The following CEP131 variants were observed in gnomAD, a reference collection of about 807,000 sequenced individuals.
The protein encoded by CEP131 is centrosomal protein of 131 kDa.
A neutral mutation model predicts 136.8 loss-of-function variants in CEP131; 99 were observed. The observed-to-expected ratio is 0.72, with a 90% confidence interval of 0.62 to 0.86. The LOEUF (loss-of-function observed/expected upper bound fraction) is 0.86, where lower values mean the gene tolerates loss of function less well. Among genes scored for constraint, CEP131 ranks in the 40% least tolerant of loss-of-function variants. The pLI is 0.00. For synonymous variants in CEP131, 646 were observed against 612.7 expected, an observed-to-expected ratio of 1.05 and a Z score of -0.80; for missense variants, 1,459 against 1,463.0, an observed-to-expected ratio of 1.00 and a Z score of 0.04.
Position 81,219,958 on chromosome 17 carries a change from A to T in CEP131, c.99T>A (p.Pro33=), listed in dbSNP as rs747155678. The change falls in exon 2 of 26, where the codon CCT becomes CCA. Residue 33 remains proline, a synonymous_variant. Coordinates refer to ENST00000450824, the MANE Select transcript of CEP131 (RefSeq NM_014984.4). This position sits in a 1 kb window ranked among gnomAD's most constrained non-coding sequence, Gnocchi z 4.0. ...TGLPPPVSRR[P]GSAATTKPIV... ...TGGGCTTGGTGGTGGCGGCACTGCC[A>T]GGACGCCGGGACACAGGCGGAGGGA... 1.3e-5 allele frequency: 21 copies of T among 1,612,002 alleles called. No individual in the cohort carries two copies. The highest frequency in any genetic ancestry group is 6.7e-5 in the Admixed American group (4 of 59,754).
intron 24 of CEP131, 87 bp from the exon 25 acceptor site, chr17:81,190,062 C>CGCCTGGTCA (rs1567842900): frequency 1.6e-6 from 2 of 1,258,946 alleles, no homozygotes; most frequent in East Asian, 2.6e-5. Flanking sequence ...ACGGGGCAGC[C>CGCCTGGTCA]GCCTGGTCAG....
At chr17:81,206,947 C>T (rs1008645947) in intron 4 of CEP131, 76 bp from the exon 5 acceptor site, 72 of 1,559,684 alleles carry the variant, frequency 4.6e-5, no homozygotes, top group South Asian at 2.3e-4. Context: ...CTCCCACAAA[C>T]GGGAGGAGCC....
chr17:81,194,076 C>T lies in CEP131; in HGVS notation c.2171G>A (p.Arg724Gln), dbSNP rs753684850. The T allele has an allele frequency of 5.1e-6, 8 of 1,579,336 alleles. No homozygotes were observed. Among genetic ancestry groups the T allele is most frequent in the East Asian group, 2.3e-5 (1 of 43,070 alleles). The change falls in exon 18 of 26, where the codon CGG becomes CAG. Residue 724 changes from arginine (R) to glutamine (Q), a missense_variant. This residue lies in a region of CEP131 where 1,026 missense variants were observed against 964.2 expected (regional missense o/e 1.06). Coordinates refer to ENST00000450824, the MANE Select transcript of CEP131 (RefSeq NM_014984.4). Reference sequence around the variant, plus strand: ...CGCCTCGTGCAGGCTCTTGAGCCTCCGCACTTCCTGCTTGTGCCTTGCAAT... The same window carrying T: ...CGCCTCGTGCAGGCTCTTGAGCCTCTGCACTTCCTGCTTGTGCCTTGCAAT... ...KLIARHKQEV[R>Q]RLKSLHEAEL...
intron 21 of CEP131, 59 bp from the exon 22 acceptor site, chr17:81,191,394 C>T: frequency 6.3e-7 from 1 of 1,592,214 alleles, no homozygotes. Context: ...GGGGCCAGGG[C>T]CAGCCTCAGG....
At chr17:81,216,177 T>C (rs187374165) in intron 2 of CEP131, among the ~76,000 whole-genome samples, 274 of 152,090 alleles carry the variant, frequency 1.8e-3, no homozygotes, top group African/African-American at 6.1e-3. Flanking sequence ...CTGACCAACA[T>C]GGCGAAACCC....
rs1386254278 is a variant in CEP131 at position 81,193,988 on chromosome 17, C to T, written c.2259G>A (p.Arg753=). 1 of 1,551,932 alleles carries T rather than the reference C, an allele frequency of 6.4e-7. No individual in the cohort carries two copies. ...CCTCCTTCTCCCGCTCCAGCTGCTC[C>T]CGCAGCTCCTCGGCCTGGCGCAGGC... ...QRCLRQAEEL[R]EQLEREKEAL... Residue 753 remains arginine, a synonymous_variant, in exon 18 of 26, where the codon CGG becomes CGA. Coordinates refer to ENST00000450824, the MANE Select transcript of CEP131 (RefSeq NM_014984.4).
At position 81,203,794 on chromosome 17, in the gene CEP131, C is replaced by T; in HGVS notation, c.516-187G>A. ...CCTGCGCCCTGATGATGGGGTTCTT[C>T]CCAGGACAGGAAAGCTGGACCAGGG... On this transcript the variant is annotated intron_variant, in intron 5 of 25. Coordinates refer to ENST00000450824, the MANE Select transcript of CEP131 (RefSeq NM_014984.4). This position sits in a 1 kb window ranked among gnomAD's most constrained non-coding sequence, Gnocchi z 4.6. 5.2e-6 allele frequency: 3 copies of T among 579,446 alleles called. No homozygotes were observed. The highest frequency in any genetic ancestry group is 4.4e-4 in the Middle Eastern group (1 of 2,280). The allele number at this position is 579,446 out of a possible 1,614,324, so 35.9% of individuals were successfully genotyped here. A position where few individuals can be genotyped will look rare whatever the true frequency, so the allele number is the denominator to read the frequency against.
intron 8 of CEP131, 134 bp from the exon 9 acceptor site, chr17:81,199,969 C>T: frequency 1.1e-6 from 1 of 882,374 alleles, no homozygotes; most frequent in African/African-American, 1.6e-5. Flanking sequence ...GAAAGTGAAA[C>T]CCCACCAGGA....
At position 81,209,027 on chromosome 17, in the gene CEP131, A is replaced by C. The variant is rs555315156; in HGVS notation, c.178-5T>G. 1.2e-4 allele frequency: 184 copies of C among 1,598,802 alleles called. 4 individuals carry two copies. The South Asian group carries it at 2.0e-3, about 17-fold the overall frequency. ...GCCCCCAGGCCCTGTGGCCTCCTGC[A>C]AAAAGGGAGAAAACAGTTAATTATG... On this transcript the variant is annotated splice_region_variant and splice_polypyrimidine_tract_variant and intron_variant, in intron 2 of 25. Coordinates refer to ENST00000450824, the MANE Select transcript of CEP131 (RefSeq NM_014984.4).
intron 13 of CEP131, 32 bp from the exon 14 acceptor site, chr17:81,197,087 G>A (rs780400748): frequency 8.3e-6 from 13 of 1,567,002 alleles, no homozygotes; most frequent in South Asian, 1.2e-5. Flanking sequence ...AGGCGGAAGC[G>A]GCAGAGGACG....
rs1333829150 is a variant in CEP131, at chr17:81,197,853, C to A, written c.1506G>T (p.Leu502Phe). 6.2e-7 allele frequency: 1 copy of A among 1,613,086 alleles called. No homozygotes were observed. The highest frequency in any genetic ancestry group is 1.3e-5 in the African/African-American group (1 of 75,064). Reference protein sequence around the residue: ...DDASSLTADNLEKFGKLSAFP... With the variant: ...DDASSLTADNFEKFGKLSAFP... ...ACGCACTGAGTTTTCCAAATTTCTC[C>A]AAGTTGTCAGCTGTCAGAGAGCTGG... Residue 502 changes from leucine (L) to phenylalanine (F), a missense_variant, in exon 13 of 26, where the codon TTG becomes TTT. Physicochemically the swap from Leu to Phe is conservative, Grantham distance 22. Transcript: ENST00000450824.
chr17:81,195,014 C>A (rs755342037), intron 16 of CEP131, 42 bp from the exon 17 acceptor site: 1 of 1,510,074 alleles, frequency 6.6e-7, no homozygotes, highest in Non-Finnish European at 9.1e-7. Flanking sequence ...ACGAAGGACA[C>A]CCCCGTCCCT....
rs746928447 is a variant in CEP131, at chr17:81,192,852, C to T, written c.2322-9G>A. ...CCAGGTGCTGCTGGAACCTGCGGGA[C>T]GGTCAGGACTGGCTCTCGGGGGCCG... On this transcript the variant is annotated splice_polypyrimidine_tract_variant and intron_variant, in intron 18 of 25. Transcript: ENST00000450824. 36 of 1,595,738 alleles carry T rather than the reference C, an allele frequency of 2.3e-5. No individual in the cohort carries two copies. The highest frequency in any genetic ancestry group is 5.3e-5 in the African/African-American group (4 of 74,812).
chr17:81,204,873 T>A (rs150347449), intron 5 of CEP131, among the ~76,000 whole-genome samples: 173 of 151,718 alleles, frequency 1.1e-3, no homozygotes, highest in Middle Eastern at 0.01. Flanking sequence ...GCGCGGCTCA[T>A]CTGCCAATTT....
chr17:81,218,986 C>T (rs1003300813), intron 2 of CEP131, among the ~76,000 whole-genome samples: 5 of 152,254 alleles, frequency 3.3e-5, no homozygotes, highest in Non-Finnish European at 5.9e-5. Flanking sequence ...CCTTGCTATT[C>T]GGAAGCTCAG....
In CEP131 at chr17:81,198,103, C is replaced by T; in HGVS notation, c.1470+12G>A. ...GGACAGACTGTGCAGGGCGGGCGCACACCGTGGTCACCTCGCTGGCCCAGG... is the reference window on the plus strand; with the variant it reads ...GGACAGACTGTGCAGGGCGGGCGCATACCGTGGTCACCTCGCTGGCCCAGG... On this transcript the variant is annotated intron_variant, in intron 12 of 25. Transcript: ENST00000450824. 4 of 1,550,404 alleles carry T rather than the reference C, an allele frequency of 2.6e-6. No homozygotes were observed. Among genetic ancestry groups the T allele is most frequent in the Non-Finnish European group, 3.5e-6 (4 of 1,148,032 alleles).
chr17:81,217,739 A>G (rs982161292), intron 2 of CEP131, among the ~76,000 whole-genome samples: 5 of 152,180 alleles, frequency 3.3e-5, no homozygotes, highest in African/African-American at 1.2e-4. Context: ...GACTGTTAGC[A>G]GTCGCCACTC....
At position 81,220,019 on chromosome 17, in the gene CEP131, C is replaced by G. The variant is rs758688897; in HGVS notation, c.38G>C (p.Arg13Pro). The G allele has an allele frequency of 1.2e-6, 2 of 1,600,882 alleles. No homozygotes were observed. The highest frequency in any genetic ancestry group is 1.7e-6 in the Non-Finnish European group (2 of 1,173,918). ...ACTCAGGTCCACACCTGCTGGGCTGCGCTCCGGGACGCTGCCGATGGCCCG... is the reference window on the plus strand; with the variant it reads ...ACTCAGGTCCACACCTGCTGGGCTGGGCTCCGGGACGCTGCCGATGGCCCG... ...GTRAIGSVPE[R>P]SPAGVDLSLT... Residue 13 changes from arginine (R) to proline (P), a missense_variant, in exon 2 of 26, where the codon CGC (arginine) becomes CCC (proline). Arg to Pro is a moderately radical substitution (Grantham distance 103). Transcript: ENST00000450824.
intron 13 of CEP131, 27 bp from the exon 14 acceptor site, chr17:81,197,082 G>T (rs202115809): frequency 6.4e-7 from 1 of 1,571,688 alleles, no homozygotes; most frequent in East Asian, 2.3e-5. Context: ...GCGTCAGGCG[G>T]AAGCGGCAGA....
Sources: gnomAD v4.1 joint callset for allele counts (sites outside exome capture counted in the v4.1 genomes callset) on GRCh38, gnomAD v4.1.1 for gene constraint, gnomAD v4.1.1 regional missense constraint, Gnocchi (gnomAD v3.1) non-coding constraint, MANE v1.5 for transcripts, NCBI Gene and HGNC (gene_info 2026-07-23, HGNC 2026-07-21) for gene names.